Variants in FOXP1 observed in about 807,000 individuals in gnomAD.
The protein encoded by FOXP1 is forkhead box protein P1.
In FOXP1, 15 loss-of-function variants were observed where a neutral mutation model predicts 98.2. The ratio of observed to expected loss-of-function variants is 0.15; its 90% confidence interval spans 0.10 to 0.24. The LOEUF (loss-of-function observed/expected upper bound fraction) is 0.24. Ranked by LOEUF, FOXP1 falls within the 10% of genes least tolerant of loss-of-function variation. FOXP1 has a pLI of 1.00. For missense variants in FOXP1, 633 were observed against 848.5 expected (o/e 0.75, Z 3.15); for synonymous variants, 371 against 314.5 (o/e 1.18, Z -1.90).
At chr3:71,556,659 CAT>C (rs1240857295) in intron 2 of FOXP1, among the ~76,000 whole-genome samples, 2 of 146,364 alleles carry the variant, frequency 1.4e-5, no homozygotes, top group African/African-American at 5.0e-5. Context: ...TGGAAACTGC[CAT>C]AGTCTTTTTT....
intron 11 of FOXP1, among the ~76,000 whole-genome samples, chr3:71,027,080 T>C (rs375734923): frequency 6.6e-6 from 1 of 152,146 alleles, no homozygotes; most frequent in Non-Finnish European, 1.5e-5. Context: ...TTCCAAAAAG[T>C]GGTGTGAGCA....
At chr3:71,405,886 G>A (rs918017469) in intron 3 of FOXP1, among the ~76,000 whole-genome samples, 5 of 151,762 alleles carry the variant, frequency 3.3e-5, no homozygotes, top group Non-Finnish European at 4.4e-5. Flanking sequence ...CCGCCCCAAC[G>A]CCCGGCTAAT....
chr3:71,198,432 G>GGGGGA, intron 5 of FOXP1, 40 bp from the exon 6 acceptor site: 2 of 491,030 alleles, frequency 4.1e-6, no homozygotes, highest in Admixed American at 4.7e-5. Flanking sequence ...GGGAGGGGGG[G>GGGGGA]AGAAAAAAAA....
At chr3:71,582,811 G>C (rs2048292572) in intron 1 of FOXP1, 1 of 984,564 alleles carries the variant, frequency 1.0e-6, no homozygotes, top group African/African-American at 1.7e-5. Context: ...AATTTTCCGG[G>C]CTCCGAGGGG....
chr3:71,109,942 T>A (rs2057775181), intron 7 of FOXP1, among the ~76,000 whole-genome samples: 1 of 152,146 alleles, frequency 6.6e-6, no homozygotes, highest in South Asian at 2.1e-4. Flanking sequence ...ATTCCTCTAC[T>A]TGGGGGGTAG....
chr3:71,560,460 A>ATTT (rs2046451657), intron 2 of FOXP1, among the ~76,000 whole-genome samples: 2 of 152,220 alleles, frequency 1.3e-5, no homozygotes, highest in African/African-American at 4.8e-5. Context: ...TCATGGGAAT[A>ATTT]TAAAATAGTT....
chr3:71,215,817 G>A (rs1458564988), intron 5 of FOXP1, among the ~76,000 whole-genome samples: 1 of 152,132 alleles, frequency 6.6e-6, no homozygotes, highest in Non-Finnish European at 1.5e-5. Context: ...TAGTTAAAGG[G>A]AAAAATGCAG....
chr3:71,180,117 C>T (rs1576240416), intron 6 of FOXP1, among the ~76,000 whole-genome samples: 6 of 152,230 alleles, frequency 3.9e-5, no homozygotes, highest in Middle Eastern at 3.4e-3. Context: ...GATGCACCTA[C>T]AGCTACTTAT....
At chr3:71,405,985 C>T (rs914463127) in intron 3 of FOXP1, among the ~76,000 whole-genome samples, 2 of 152,096 alleles carry the variant, frequency 1.3e-5, no homozygotes, top group African/African-American at 4.8e-5. Flanking sequence ...CTGCCTCGGC[C>T]TCCCAAAGTG....
intron 4 of FOXP1, among the ~76,000 whole-genome samples, chr3:71,330,912 A>C (rs2076250538): frequency 6.6e-6 from 1 of 152,234 alleles, no homozygotes; most frequent in Admixed American, 6.5e-5. Flanking sequence ...ACATATAAGA[A>C]AATCAGGCCA....
rs1020733932 is a variant in FOXP1, at chr3:70,966,262, G to T, written c.1723-206C>A. ...GCTTGGTTTTGAAGAGCTAACTGGG[G>T]GCCAGGGGGGACCAAGTGCCTGTGG... On this transcript the variant is annotated intron_variant, in intron 19 of 20. Coordinates refer to ENST00000649528, the MANE Select transcript of FOXP1 (RefSeq NM_001349338.3). 1.9e-5 allele frequency: 11 copies of T among 593,612 alleles called. No homozygotes were observed. In the Admixed American group the frequency reaches 2.5e-4, roughly 13 times the overall value. The allele number at this position is 593,612 out of a possible 1,614,324, so 36.8% of individuals were successfully genotyped here.
intron 6 of FOXP1, among the ~76,000 whole-genome samples, chr3:71,170,430 G>A (rs1047662760): frequency 6.6e-6 from 1 of 152,198 alleles, no homozygotes; most frequent in Non-Finnish European, 1.5e-5. Context: ...TTTAATTCCT[G>A]CAGGCTGTGC....
At chr3:71,224,254 C>G (rs2065651123) in intron 5 of FOXP1, among the ~76,000 whole-genome samples, 1 of 152,126 alleles carries the variant, frequency 6.6e-6, no homozygotes, top group African/African-American at 2.4e-5. Context: ...TCAGTTACGT[C>G]TAGGATGCAG....
At chr3:71,111,315 A>G (rs2057900329) in intron 7 of FOXP1, among the ~76,000 whole-genome samples, 1 of 152,236 alleles carries the variant, frequency 6.6e-6, no homozygotes, top group Admixed American at 6.5e-5. Flanking sequence ...CCTCTCTTAA[A>G]CGTGAGCATG....
chr3:71,570,966 T>TG (rs1219159425), intron 2 of FOXP1: 1 of 31,706 alleles, frequency 3.2e-5, no homozygotes, highest in Non-Finnish European at 1.1e-4. Flanking sequence ...TTGTGATGCA[T>TG]TTTTTTAAAA....
chr3:71,068,952 G>C (rs1213092925), intron 7 of FOXP1, among the ~76,000 whole-genome samples: 1 of 152,128 alleles, frequency 6.6e-6, no homozygotes, highest in African/African-American at 2.4e-5. Context: ...TGTCTCCAAG[G>C]AACCACCATT....
At chr3:71,400,043 T>C (rs2081845910) in intron 3 of FOXP1, among the ~76,000 whole-genome samples, 1 of 152,210 alleles carries the variant, frequency 6.6e-6, no homozygotes, top group East Asian at 1.9e-4. Flanking sequence ...ATGACCATTA[T>C]TTCCAGATAC....
Position 71,198,362 on chromosome 3 carries a change from G to A in FOXP1, c.20C>T (p.Thr7Ile), listed in dbSNP as rs867123824. 1 of 1,379,272 alleles carries A rather than the reference G, an allele frequency of 7.3e-7. No individual in the cohort carries two copies. Among genetic ancestry groups the A allele is most frequent in the Middle Eastern group, 2.1e-4 (1 of 4,856 alleles). 85.4% of individuals were successfully genotyped at this position (1,379,272 alleles called of 1,614,324 possible). Residue 7 changes from threonine to isoleucine, a missense_variant, in exon 6 of 21, where the codon ACT (threonine) becomes ATT (isoleucine). Thr to Ile is a moderately conservative substitution (Grantham distance 89). This residue lies in a region of FOXP1 where 103 missense variants were observed against 85.5 expected (regional missense o/e 1.20). Transcript: ENST00000649528. Reference protein sequence around the residue: MMQESGTETKSNGSAIQ... With the variant: MMQESGIETKSNGSAIQ... ...GGCTGAACCGTTACTTTTTGTCTCA[G>A]TCCCAGATTCTTGCATCATGACTCA... is the stretch of plus-strand genomic sequence containing the variant.
intron 3 of FOXP1, among the ~76,000 whole-genome samples, chr3:71,393,403 A>G (rs1327755839): frequency 6.6e-6 from 1 of 152,076 alleles, no homozygotes; most frequent in African/African-American, 2.4e-5. Flanking sequence ...TAGAAGACTC[A>G]TAATAAAAAA....
Sources: allele counts gnomAD v4.1 joint callset (sites outside exome capture counted in the v4.1 genomes callset), GRCh38; gene constraint gnomAD v4.1.1; regional missense constraint gnomAD v4.1.1; transcripts MANE v1.5; gene names NCBI Gene and HGNC (gene_info 2026-07-23, HGNC 2026-07-21).